SDK1: variants seen among roughly 807,000 people sequenced by gnomAD.
SDK1 encodes sidekick cell adhesion molecule 1, also known as protein sidekick-1.
SDK1 carries 157 observed loss-of-function variants against 245.5 expected under a neutral mutation model. That is an observed-to-expected ratio of 0.64 (90% CI 0.56 to 0.73). The LOEUF (loss-of-function observed/expected upper bound fraction) is 0.73, where lower values mean the gene tolerates loss of function less well. Ranked by LOEUF, SDK1 falls within the 30% of genes least tolerant of loss-of-function variation. The pLI is 0.00. For synonymous variants in SDK1, 1,647 were observed against 1,278.5 expected (o/e 1.29, Z -6.15); for missense variants, 3,583 against 3,002.3 (o/e 1.19, Z -4.52).
At chr7:3,997,739 C>G (rs536976074) in intron 14 of SDK1, among the ~76,000 whole-genome samples, 21 of 152,274 alleles carry the variant, frequency 1.4e-4, no homozygotes, top group African/African-American at 4.8e-4. Context: ...AGTTCCCACT[C>G]CAGCCAGGGG....
intron 22 of SDK1, among the ~76,000 whole-genome samples, chr7:4,098,459 C>G (rs777677325): frequency 2.0e-5 from 3 of 152,060 alleles, no homozygotes; most frequent in Non-Finnish European, 2.9e-5. Flanking sequence ...ATTTTTCCAG[C>G]CATTAGGTTT....
chr7:3,597,614 T>G (rs1781108595), intron 1 of SDK1, among the ~76,000 whole-genome samples: 1 of 152,214 alleles, frequency 6.6e-6, no homozygotes, highest in Non-Finnish European at 1.5e-5. Flanking sequence ...TTGATCTGTT[T>G]CCTTACAGTC....
intron 1 of SDK1, among the ~76,000 whole-genome samples, chr7:3,364,447 T>A (rs1017033363): frequency 1.3e-5 from 2 of 152,240 alleles, no homozygotes; most frequent in African/African-American, 4.8e-5. Flanking sequence ...TGGCACATTT[T>A]GAGTTAACTT....
At chr7:3,305,084 G>T (rs146399316) in intron 1 of SDK1, among the ~76,000 whole-genome samples, 9 of 152,298 alleles carry the variant, frequency 5.9e-5, no homozygotes, top group African/African-American at 1.9e-4. Flanking sequence ...CCTTGGGCCT[G>T]TGTTCACTTA....
chr7:3,581,490 AAAAT>A (rs1780493119), intron 1 of SDK1, among the ~76,000 whole-genome samples: 2 of 152,186 alleles, frequency 1.3e-5, no homozygotes, highest in Admixed American at 6.5e-5. Context: ...TAAAAGTCAA[AAAAT>A]AACAGATGTG....
At chr7:4,209,048 G>A (rs142773921) in intron 37 of SDK1, among the ~76,000 whole-genome samples, 1 of 152,180 alleles carries the variant, frequency 6.6e-6, no homozygotes, top group Admixed American at 6.5e-5. Flanking sequence ...CATTCCATGG[G>A]TTCAGCTGAC....
intron 1 of SDK1, among the ~76,000 whole-genome samples, chr7:3,614,686 T>C (rs1781713235): frequency 6.6e-6 from 1 of 152,228 alleles, no homozygotes; most frequent in Non-Finnish European, 1.5e-5. Context: ...ATTTCAATGG[T>C]AAATAGTGCT....
At chr7:3,884,292 T>G (rs1024053971) in intron 5 of SDK1, among the ~76,000 whole-genome samples, 1 of 152,144 alleles carries the variant, frequency 6.6e-6, no homozygotes, top group Non-Finnish European at 1.5e-5. Context: ...TTATTTCATG[T>G]CCCACTAGAC....
intron 4 of SDK1, among the ~76,000 whole-genome samples, chr7:3,790,249 A>G (rs1289018301): frequency 6.6e-6 from 1 of 152,180 alleles, no homozygotes; most frequent in Non-Finnish European, 1.5e-5. Context: ...GGGTTCAGAG[A>G]GAGGACTTTC....
chr7:3,877,301 A>G (rs773988966), intron 5 of SDK1, among the ~76,000 whole-genome samples: 1 of 152,190 alleles, frequency 6.6e-6, no homozygotes, highest in African/African-American at 2.4e-5. Context: ...GCCAATAATC[A>G]TCTTGCAGAG....
chr7:3,538,669 C>T (rs1177459984), intron 1 of SDK1, among the ~76,000 whole-genome samples: 2 of 152,158 alleles, frequency 1.3e-5, no homozygotes, highest in East Asian at 1.9e-4. Flanking sequence ...ATGGTTTCCT[C>T]GTGTCTGCCC....
intron 1 of SDK1, among the ~76,000 whole-genome samples, chr7:3,583,768 G>C (rs1780592676): frequency 6.6e-6 from 1 of 150,726 alleles, no homozygotes; most frequent in Admixed American, 6.6e-5. Flanking sequence ...CTGCTTGCAG[G>C]GTCCTGTGAA....
At chr7:3,655,260 A>T (rs1379092473) in intron 4 of SDK1, among the ~76,000 whole-genome samples, 1 of 150,564 alleles carries the variant, frequency 6.6e-6, no homozygotes, top group African/African-American at 2.4e-5. Context: ...ATGGAGAAAC[A>T]CTGTCTCTAC....
chr7:4,018,919 C>T (rs1033678609), intron 17 of SDK1, among the ~76,000 whole-genome samples: 2 of 152,260 alleles, frequency 1.3e-5, no homozygotes, highest in Middle Eastern at 3.4e-3. Context: ...TGATGAGTGT[C>T]CTCTAGCTCC....
At chr7:3,848,348 G>A (rs1780332782) in intron 5 of SDK1, among the ~76,000 whole-genome samples, 1 of 152,178 alleles carries the variant, frequency 6.6e-6, no homozygotes, top group Admixed American at 6.5e-5. Flanking sequence ...AACTCTCCAA[G>A]CATCTTCAGC....
intron 35 of SDK1, among the ~76,000 whole-genome samples, chr7:4,188,687 A>AAAAG (rs765956995): frequency 2.6e-5 from 4 of 152,054 alleles, no homozygotes; most frequent in Non-Finnish European, 4.4e-5. Context: ...ATCAAAAAAA[A>AAAAG]AAAGAAAGAA....
intron 1 of SDK1, among the ~76,000 whole-genome samples, chr7:3,599,859 A>C (rs1256345175): frequency 1.3e-5 from 2 of 152,222 alleles, no homozygotes; most frequent in Non-Finnish European, 2.9e-5. Context: ...AGTAACTTTG[A>C]AATCAGGAAG....
intron 1 of SDK1, among the ~76,000 whole-genome samples, chr7:3,333,435 C>G (rs987558800): frequency 6.6e-6 from 1 of 152,128 alleles, no homozygotes; most frequent in East Asian, 1.9e-4. Flanking sequence ...TTGACTGTGA[C>G]TATGGAATGC....
At chr7:3,924,696 C>G (rs935935986) in intron 5 of SDK1, among the ~76,000 whole-genome samples, 12 of 152,212 alleles carry the variant, frequency 7.9e-5, no homozygotes, top group Admixed American at 7.2e-4. Flanking sequence ...CAACCCATCC[C>G]TCAGAGAGTT....
Sources: gnomAD v4.1 joint callset for allele counts (sites outside exome capture counted in the v4.1 genomes callset) on GRCh38, gnomAD v4.1.1 for gene constraint, MANE v1.5 for transcripts, NCBI Gene and HGNC (gene_info 2026-07-23, HGNC 2026-07-21) for gene names.